The following KCNN3 variants were observed in gnomAD, a reference collection of about 807,000 sequenced individuals.
The protein encoded by KCNN3 is potassium calcium-activated channel subfamily N member 3, also known as small conductance calcium-activated potassium channel protein 3.
KCNN3 carries 16 observed loss-of-function variants against 62.9 expected under a neutral mutation model. The ratio of observed to expected loss-of-function variants is 0.25; its 90% CI spans 0.17 to 0.39. The LOEUF (loss-of-function observed/expected upper bound fraction) is 0.39. Ranked by LOEUF, KCNN3 falls within the 10% of genes least tolerant of loss-of-function variation. KCNN3 has a pLI of 1.00. For missense variants in KCNN3, 599 were observed against 949.4 expected, an observed-to-expected ratio of 0.63 and a Z score of 4.85; for synonymous variants, 370 against 389.2, an observed-to-expected ratio of 0.95 and a Z score of 0.58.
At chr1:154,724,405 C>T (rs1700419180) in intron 5 of KCNN3, among the ~76,000 whole-genome samples, 1 of 152,164 alleles carries the variant, frequency 6.6e-6, no homozygotes, top group South Asian at 2.1e-4. Flanking sequence ...CTCATGGGTC[C>T]CTTAACCTAC....
In KCNN3 at chr1:154,766,414, C is replaced by CTT. The variant is rs1288399276; in HGVS notation, c.1448+5559_1448+5560dup. The stretch of plus-strand genomic sequence containing the variant: ...ATCCATTTATTAAATACTAGCCAGG[C>CTT]TTTATATATATATATATATATATAT... On this transcript the variant is annotated intron_variant, in intron 3 of 7. Transcript: ENST00000271915. 1.9e-3 allele frequency among the ~76,000 whole-genome samples: 26 copies of CTT among 13,532 alleles called. 1 individual carries two copies. The highest frequency in any genetic ancestry group is 2.6e-3 in the Non-Finnish European group (16 of 6,206). The allele number at this position is 13,532 out of a possible 152,430, so 8.9% of individuals were successfully genotyped here.
chr1:154,810,405 A>C (rs1183142398), intron 2 of KCNN3, among the ~76,000 whole-genome samples: 1 of 152,162 alleles, frequency 6.6e-6, no homozygotes, highest in South Asian at 2.1e-4. Flanking sequence ...GCAAGAAAGA[A>C]CAAGACCCAG....
chr1:154,869,461 G>A lies in KCNN3; in HGVS notation c.504C>T (p.Asn168=). 1 of 1,614,112 alleles carries A rather than the reference G, an allele frequency of 6.2e-7. No individual in the cohort carries two copies. Among genetic ancestry groups the A allele is most frequent in the Non-Finnish European group, 8.5e-7 (1 of 1,180,006 alleles). ...ASPLVHRRDS[N]PFTEIAMSSC... ...AGCTCATGGCGATCTCCGTGAAGGG[G>A]TTGCTGTCCCGCCGGTGCACCAGGG... Residue 168 remains asparagine (N), a synonymous_variant, in exon 1 of 8, where the codon AAC becomes AAT. Coordinates refer to ENST00000271915, the MANE Select transcript of KCNN3 (RefSeq NM_002249.6). This position sits in a 1 kb window ranked among gnomAD's most constrained non-coding sequence, Gnocchi z 6.1.
intron 2 of KCNN3, among the ~76,000 whole-genome samples, chr1:154,815,651 T>G (rs943077353): frequency 2.0e-5 from 3 of 152,238 alleles, no homozygotes; most frequent in African/African-American, 7.2e-5. Flanking sequence ...AGTAAACGAA[T>G]GAATGGACTC....
chr1:154,743,502 C>T (rs900638050), intron 3 of KCNN3, among the ~76,000 whole-genome samples: 7 of 152,240 alleles, frequency 4.6e-5, no homozygotes, highest in Admixed American at 3.9e-4. Flanking sequence ...CTTCACCCAG[C>T]CAGCTTTACT....
At chr1:154,758,953 G>A (rs1394385794) in intron 3 of KCNN3, among the ~76,000 whole-genome samples, 4 of 151,960 alleles carry the variant, frequency 2.6e-5, no homozygotes, top group Admixed American at 2.0e-4. Context: ...GATTACAGGC[G>A]CTCACCACCA....
intron 3 of KCNN3, chr1:154,737,092 T>C (rs1287644011): frequency 1.4e-6 from 1 of 701,488 alleles, no homozygotes; most frequent in East Asian, 2.7e-5. Context: ...TTCAGGACTG[T>C]GGGAGTAGAG....
At chr1:154,847,963 C>T (rs1571335187) in intron 1 of KCNN3, among the ~76,000 whole-genome samples, 2 of 152,186 alleles carry the variant, frequency 1.3e-5, no homozygotes, top group Admixed American at 6.5e-5. Context: ...CGAGAGTAGC[C>T]GGCTCCAGCA....
At chr1:154,861,232 G>A (rs989361059) in intron 1 of KCNN3, among the ~76,000 whole-genome samples, 2 of 152,070 alleles carry the variant, frequency 1.3e-5, no homozygotes, top group African/African-American at 4.8e-5. Context: ...TGCGATTACA[G>A]GTATGAGCCA....
chr1:154,753,190 G>A (rs1333054761), intron 3 of KCNN3, among the ~76,000 whole-genome samples: 1 of 152,162 alleles, frequency 6.6e-6, no homozygotes, highest in African/African-American at 2.4e-5. Context: ...AACTCAGTAA[G>A]TTTGACAACA....
intron 2 of KCNN3, among the ~76,000 whole-genome samples, chr1:154,795,333 G>A (rs1649686996): frequency 6.6e-6 from 1 of 152,240 alleles, no homozygotes; most frequent in African/African-American, 2.4e-5. Flanking sequence ...CTGCGTGAAA[G>A]AACGCACTTT....
chr1:154,847,230 C>T (rs531187364), intron 1 of KCNN3, among the ~76,000 whole-genome samples: 1 of 151,822 alleles, frequency 6.6e-6, no homozygotes, highest in Non-Finnish European at 1.5e-5. Flanking sequence ...GGGGAGCCTG[C>T]ACATCTCTCC....
chr1:154,734,880 T>C (rs188571847), intron 3 of KCNN3, among the ~76,000 whole-genome samples: 1 of 151,618 alleles, frequency 6.6e-6, no homozygotes, highest in East Asian at 1.9e-4. Context: ...CCCATGCTCC[T>C]TTCACTGTTT....
At chr1:154,721,610 T>C (rs1317617788) in intron 5 of KCNN3, among the ~76,000 whole-genome samples, 2 of 151,984 alleles carry the variant, frequency 1.3e-5, no homozygotes, top group African/African-American at 4.8e-5. Context: ...CCACTCTACC[T>C]CTTATAAGAA....
intron 6 of KCNN3, among the ~76,000 whole-genome samples, chr1:154,714,597 TGATGTGTGGTGTGTG>T: frequency 3.2e-5 from 1 of 31,092 alleles, no homozygotes; most frequent in Non-Finnish European, 7.4e-5. Flanking sequence ...ATGGTGTGTG[TGATGTGTGGTGTGTG>T]GTGTGTGTGT....
At chr1:154,823,363 T>C (rs1184286060) in intron 1 of KCNN3, among the ~76,000 whole-genome samples, 1 of 152,164 alleles carries the variant, frequency 6.6e-6, no homozygotes, top group African/African-American at 2.4e-5. Flanking sequence ...AAAAGAAACA[T>C]TCCCTTCCTC....
intron 3 of KCNN3, among the ~76,000 whole-genome samples, chr1:154,753,270 C>G (rs2101816173): frequency 6.6e-6 from 1 of 152,118 alleles, no homozygotes; most frequent in African/African-American, 2.4e-5. Flanking sequence ...CAGACCCCAC[C>G]CCACCCCTCG....
At chr1:154,838,996 G>A (rs541444503) in intron 1 of KCNN3, among the ~76,000 whole-genome samples, 7 of 152,234 alleles carry the variant, frequency 4.6e-5, no homozygotes, top group South Asian at 2.1e-4. Flanking sequence ...ATCTCTAACC[G>A]CTGATCTGCC....
intron 2 of KCNN3, among the ~76,000 whole-genome samples, chr1:154,817,501 A>T (rs1478469582): frequency 6.6e-6 from 1 of 152,246 alleles, no homozygotes; most frequent in Non-Finnish European, 1.5e-5. Context: ...CAGTATGGTT[A>T]TTAGTCCTAT....
Sources: gnomAD v4.1 joint callset for allele counts (sites outside exome capture counted in the v4.1 genomes callset) on GRCh38, gnomAD v4.1.1 for gene constraint, Gnocchi (gnomAD v3.1) non-coding constraint, MANE v1.5 for transcripts, NCBI Gene and HGNC (gene_info 2026-07-23, HGNC 2026-07-21) for gene names.